The following CAMK2B variants were observed in gnomAD, a reference collection of about 807,000 sequenced individuals.
CAMK2B encodes calcium/calmodulin dependent protein kinase II beta.
In CAMK2B, 27 loss-of-function variants were observed where a neutral mutation model predicts 93.7. The observed-to-expected ratio is 0.29, with a 90% CI of 0.21 to 0.40. The LOEUF (loss-of-function observed/expected upper bound fraction) is 0.40. CAMK2B is among the 10% of genes least tolerant of loss of function. The pLI is 1.00. For synonymous variants in CAMK2B, 374 were observed against 358.8 expected (o/e 1.04, Z -0.48); for missense variants, 568 against 895.8 (o/e 0.63, Z 4.67).
At chr7:44,244,810 T>C in intron 6 of CAMK2B, 1 of 381,634 alleles carries the variant, frequency 2.6e-6, no homozygotes, top group Non-Finnish European at 5.3e-6. Context: ...AGCCACGCCC[T>C]ACTGAGCAGG....
intron 1 of CAMK2B, among the ~76,000 whole-genome samples, chr7:44,314,402 C>G (rs767949913): frequency 1.3e-5 from 2 of 152,218 alleles, no homozygotes; most frequent in Non-Finnish European, 2.9e-5. Context: ...GCTTCTTGCA[C>G]TGAGCATGAC....
intron 2 of CAMK2B, chr7:44,268,791 T>C (rs2096943505): frequency 6.6e-6 from 1 of 152,204 alleles, no homozygotes; most frequent in Non-Finnish European, 1.5e-5. Flanking sequence ...AGGGGCCACC[T>C]CAAGGTGCCC....
At chr7:44,285,385 C>T (rs1376785192) in intron 1 of CAMK2B, among the ~76,000 whole-genome samples, 1 of 152,190 alleles carries the variant, frequency 6.6e-6, no homozygotes, top group African/African-American at 2.4e-5. Flanking sequence ...GGGCACCCAC[C>T]CGTGCAAACC....
intron 2 of CAMK2B, among the ~76,000 whole-genome samples, chr7:44,264,540 C>T (rs2096907159): frequency 6.6e-6 from 1 of 152,204 alleles, no homozygotes; most frequent in South Asian, 2.1e-4. Flanking sequence ...GCCTGGCATC[C>T]CACGAGAGGG....
chr7:44,242,198 G>A lies in CAMK2B; in HGVS notation c.819+20C>T, dbSNP rs370289617. ...CCACCAGGAGCCCCCTCCCCACCAT[G>A]GGCACCAAGGGCGACTCACGCAGAC... is the stretch of plus-strand genomic sequence containing the variant. On this transcript the variant is annotated intron_variant, in intron 10 of 23. Transcript: ENST00000395749. 19 of 1,604,638 alleles carry A rather than the reference G, an allele frequency of 1.2e-5. No individual in the cohort carries two copies. The highest frequency in any genetic ancestry group is 1.4e-5 in the Non-Finnish European group (16 of 1,174,410).
intron 4 of CAMK2B, among the ~76,000 whole-genome samples, chr7:44,257,900 C>T (rs766647242): frequency 5.9e-5 from 9 of 152,212 alleles, no homozygotes; most frequent in South Asian, 2.1e-4. Flanking sequence ...TGTCTCTGCT[C>T]GGCCTGCACG....
intron 1 of CAMK2B, among the ~76,000 whole-genome samples, chr7:44,318,879 G>A (rs62459122): frequency 0.2 from 30,830 of 152,210 alleles, 3,943 homozygotes; most frequent in South Asian, 0.29. Context: ...AAAGAACTAT[G>A]TCCACCAGGA....
intron 1 of CAMK2B, among the ~76,000 whole-genome samples, chr7:44,320,641 T>C (rs1445409135): frequency 6.6e-6 from 1 of 152,264 alleles, no homozygotes; most frequent in Non-Finnish European, 1.5e-5. Context: ...AAGTAGGTTA[T>C]GGTATAAAAA....
At chr7:44,240,820 A>G in intron 11 of CAMK2B, 71 bp from the exon 12 acceptor site, 1 of 1,499,894 alleles carries the variant, frequency 6.7e-7, no homozygotes, top group Non-Finnish European at 9.2e-7. Context: ...CCAGGATAAG[A>G]CCCCTGTCCT....
At chr7:44,285,828 G>C (rs1275536195) in intron 1 of CAMK2B, among the ~76,000 whole-genome samples, 1 of 113,856 alleles carries the variant, frequency 8.8e-6, no homozygotes, top group South Asian at 3.8e-4. Context: ...GAGGCGCGGC[G>C]GAGGGGGCGC....
chr7:44,303,937 C>G (rs1216666024), intron 1 of CAMK2B, among the ~76,000 whole-genome samples: 1 of 152,098 alleles, frequency 6.6e-6, no homozygotes, highest in Non-Finnish European at 1.5e-5. Context: ...GGCAAAAGAT[C>G]TGAACAGATA....
chr7:44,236,129 C>G (rs542011233), intron 13 of CAMK2B, among the ~76,000 whole-genome samples: 1 of 151,016 alleles, frequency 6.6e-6, no homozygotes, highest in South Asian at 2.1e-4. Flanking sequence ...GCTGGGTGCT[C>G]CAGGTTGCCG....
intron 4 of CAMK2B, 118 bp downstream of exon 4, chr7:44,258,754 C>T: frequency 1.1e-6 from 1 of 871,796 alleles, no homozygotes; most frequent in Non-Finnish European, 1.9e-6. Flanking sequence ...GAAGCACACT[C>T]AAGGGAGTGG....
At chr7:44,308,190 G>A (rs950308102) in intron 1 of CAMK2B, among the ~76,000 whole-genome samples, 1 of 152,196 alleles carries the variant, frequency 6.6e-6, no homozygotes, top group Non-Finnish European at 1.5e-5. Context: ...CACAAGGCAC[G>A]TCTCTTCTCC....
chr7:44,295,048 C>T (rs890064967), intron 1 of CAMK2B, among the ~76,000 whole-genome samples: 2 of 152,172 alleles, frequency 1.3e-5, no homozygotes, highest in African/African-American at 4.8e-5. Context: ...ATCAGGAAGA[C>T]CTGGGGTGAA....
chr7:44,324,918 G>C (rs1012297443), intron 1 of CAMK2B: 3 of 151,988 alleles, frequency 2.0e-5, no homozygotes, highest in Non-Finnish European at 4.4e-5. Flanking sequence ...CCGCTCGGGT[G>C]GGGGTGGGGA....
intron 18 of CAMK2B, 160 bp downstream of exon 18, chr7:44,229,228 G>A (rs2096553785): frequency 4.9e-6 from 3 of 617,666 alleles, no homozygotes; most frequent in Non-Finnish European, 8.7e-6. Context: ...GGGGCTCGAT[G>A]GGCTGGGGCC....
intron 13 of CAMK2B, among the ~76,000 whole-genome samples, chr7:44,236,429 G>A (rs1398333096): frequency 6.6e-6 from 1 of 152,098 alleles, no homozygotes; most frequent in Non-Finnish European, 1.5e-5. Context: ...CCATGGAGAA[G>A]TAGAGGGGCC....
At chr7:44,260,387 C>G (rs2096870111) in intron 3 of CAMK2B, among the ~76,000 whole-genome samples, 1 of 152,098 alleles carries the variant, frequency 6.6e-6, no homozygotes, top group Non-Finnish European at 1.5e-5. Flanking sequence ...AGCCCCATAC[C>G]AATGGCCCTC....
Sources: gnomAD v4.1 joint callset for allele counts (sites outside exome capture counted in the v4.1 genomes callset) on GRCh38, gnomAD v4.1.1 for gene constraint, MANE v1.5 for transcripts, NCBI Gene and HGNC (gene_info 2026-07-23, HGNC 2026-07-21) for gene names.